Variants in COL4A6 observed in about 807,000 individuals in gnomAD.
COL4A6 encodes collagen type IV alpha 6 chain, also known as collagen alpha-6(IV) chain.
A neutral mutation model predicts 126.7 loss-of-function variants in COL4A6; 59 were observed. The observed-to-expected ratio is 0.47, with a 90% CI of 0.38 to 0.58. COL4A6 has a LOEUF of 0.58. Among genes scored for constraint, COL4A6 ranks in the 20% least tolerant of loss-of-function variants. The pLI is 0.00. For synonymous variants in COL4A6, 547 were observed against 496.6 expected (o/e 1.10, Z -1.35); for missense variants, 1,285 against 1,337.3 (o/e 0.96, Z 0.61).
intron 4 of COL4A6, 82 bp from the exon 5 acceptor site, chrX:108,219,824 G>T: frequency 1.2e-6 from 1 of 824,968 alleles, no homozygotes; most frequent in Non-Finnish European, 1.8e-6. Context: ...GAGAGTCAAT[G>T]GCCTACATTT....
At chrX:108,172,253 G>A (rs113292559) in intron 32 of COL4A6, among the ~76,000 whole-genome samples, 1 of 108,425 alleles carries the variant, frequency 9.2e-6, no homozygotes, top group African/African-American at 3.4e-5. Context: ...AGGAAGCTGA[G>A]GCAGGAGAAT....
chrX:108,206,601 C>G (rs2046966508), intron 8 of COL4A6, 21 bp from the exon 9 acceptor site: 2 of 1,194,828 alleles, frequency 1.7e-6, no homozygotes, highest in African/African-American at 3.5e-5. Context: ...AAGTTTTTAC[C>G]AAGTTCAAAA....
At chrX:108,207,866 T>TC (rs1332968749) in intron 8 of COL4A6, among the ~76,000 whole-genome samples, 3 of 110,695 alleles carry the variant, frequency 2.7e-5, no homozygotes, top group Non-Finnish European at 3.8e-5. Flanking sequence ...CCATGAGAGG[T>TC]CCTGAATCCA....
chrX:108,358,985 G>GGATCTGCA (rs1408748252), intron 2 of COL4A6, among the ~76,000 whole-genome samples: 6 of 111,193 alleles, frequency 5.4e-5, no homozygotes, highest in Non-Finnish European at 7.5e-5. Flanking sequence ...CCTAGGGACC[G>GGATCTGCA]GATCTGCACT....
intron 23 of COL4A6, 56 bp downstream of exon 23, chrX:108,187,040 C>G: frequency 1.0e-5 from 10 of 998,266 alleles, no homozygotes; most frequent in Non-Finnish European, 1.2e-5. Context: ...TGAGTCATAA[C>G]CACTCTACAA....
At chrX:108,346,876 A>T (rs1455729145) in intron 2 of COL4A6, among the ~76,000 whole-genome samples, 1 of 112,075 alleles carries the variant, frequency 8.9e-6, no homozygotes, top group Non-Finnish European at 1.9e-5. Context: ...ATGGTGGGTC[A>T]GGTCAAGATA....
chrX:108,198,238 A>G (rs2035282112), intron 13 of COL4A6, among the ~76,000 whole-genome samples: 1 of 111,608 alleles, frequency 9.0e-6, no homozygotes, highest in African/African-American at 3.3e-5. Context: ...GTTGAACTGA[A>G]TGGAATAATG....
intron 37 of COL4A6, among the ~76,000 whole-genome samples, chrX:108,168,693 AG>A (rs1335699068): frequency 6.2e-5 from 7 of 112,140 alleles, no homozygotes; most frequent in Non-Finnish European, 1.3e-4. Flanking sequence ...AGGAAAACTA[AG>A]GGCTCATTTG....
chrX:108,157,056 C>T lies in COL4A6; in HGVS notation c.5017G>A (p.Ala1673Thr), dbSNP rs2033762294. Residue 1673 changes from alanine (A) to threonine (T), a missense_variant, in exon 45 of 45, where the codon GCT becomes ACT. Physicochemically the swap from Ala to Thr is moderately conservative, Grantham distance 58 (BLOSUM62 0). Transcript: ENST00000334504. The stretch of plus-strand genomic sequence containing the variant: ...CTGACTCGAGTGTGGAGCTGCCCAG[C>T]TTTCAGCGTTTCAGACACAGGCAAC... ...GELPVSETLK[A>T]GQLHTRVSRC... 1 of 1,211,925 alleles carries T rather than the reference C, an allele frequency of 8.3e-7. No individual in the cohort carries two copies. Among genetic ancestry groups the T allele is most frequent in the African/African-American group, 1.7e-5 (1 of 57,818 alleles).
At chrX:108,302,737 C>T (rs780138405) in intron 3 of COL4A6, among the ~76,000 whole-genome samples, 2 of 111,021 alleles carry the variant, frequency 1.8e-5, no homozygotes, top group Non-Finnish European at 3.8e-5. Context: ...CTCAGGATAC[C>T]TTACAGAGTA....
At chrX:108,351,476 GTA>G (rs1377159998) in intron 2 of COL4A6, among the ~76,000 whole-genome samples, 1 of 109,157 alleles carries the variant, frequency 9.2e-6, no homozygotes, top group Non-Finnish European at 1.9e-5. Flanking sequence ...GTGTGTGTGT[GTA>G]TGTGTGTATG....
chrX:108,438,448 A>C, upstream of COL4A6: 2 of 999,028 alleles, frequency 2.0e-6, no homozygotes, highest in Non-Finnish European at 2.5e-6. Context: ...GAGAGGAAAG[A>C]ATGGAGGGGA....
At chrX:108,185,521 C>T (rs926430626) in intron 23 of COL4A6, among the ~76,000 whole-genome samples, 4 of 111,710 alleles carry the variant, frequency 3.6e-5, no homozygotes, top group African/African-American at 1.3e-4. Flanking sequence ...CTTATTACAC[C>T]GATTCACAAA....
rs1444162321 is a variant in COL4A6 at position 108,161,674 on chromosome X, A to G, written c.4278T>C (p.Pro1426=). ...GCAGACCAGGATCACCAAGAGCCCC[A>G]GGTGGGCCTGGGAGCCCACTGGGGC... ...KDGPSGLPGP[P]GALGDPGLPG... Residue 1426 remains proline, a synonymous_variant, in exon 42 of 45, where the codon CCT becomes CCC. Coordinates refer to ENST00000334504, the MANE Select transcript of COL4A6 (RefSeq NM_033641.4). 1.7e-6 allele frequency: 2 copies of G among 1,179,211 alleles called. No homozygotes were observed. Among genetic ancestry groups the G allele is most frequent in the Admixed American group, 2.3e-5 (1 of 42,889 alleles).
Position 108,170,026 on chromosome X carries a change from G to C in COL4A6, c.3494-10C>G. The C allele has an allele frequency of 1.7e-6, 2 of 1,174,746 alleles. No individual in the cohort carries two copies. Among genetic ancestry groups the C allele is most frequent in the Non-Finnish European group, 2.3e-6 (2 of 873,341 alleles). On this transcript the variant is annotated splice_polypyrimidine_tract_variant and intron_variant, in intron 35 of 44. Coordinates refer to ENST00000334504, the MANE Select transcript of COL4A6 (RefSeq NM_033641.4). ...GGAAATCCAGGGAAGCCTGAGGGGA[G>C]AGAATGTCAAAAATGGCTCCAGCAA... is the stretch of plus-strand genomic sequence containing the variant.
chrX:108,320,692 G>A (rs1569424194), intron 2 of COL4A6, among the ~76,000 whole-genome samples: 1 of 111,938 alleles, frequency 8.9e-6, no homozygotes, highest in East Asian at 2.8e-4. Context: ...GACAGTCCTT[G>A]GAATATAATA....
At chrX:108,338,495 C>T (rs975438317) in intron 2 of COL4A6, among the ~76,000 whole-genome samples, 12 of 112,126 alleles carry the variant, frequency 1.1e-4, no homozygotes, top group African/African-American at 3.9e-4. Flanking sequence ...GAATCCAAAC[C>T]TCTGTTAGTA....
At chrX:108,320,731 G>T (rs1027307425) in intron 2 of COL4A6, among the ~76,000 whole-genome samples, 1 of 112,095 alleles carries the variant, frequency 8.9e-6, no homozygotes, top group Non-Finnish European at 1.9e-5. Context: ...ACAGTAAATG[G>T]TTGTTGAAAT....
rs768033298 is a variant in COL4A6 at position 108,252,644 on chromosome X, A to T, written c.145-31270T>A. Among the ~76,000 whole-genome samples, 3 of 111,084 alleles carry T rather than the reference A, an allele frequency of 2.7e-5. No homozygotes were observed. The South Asian group carries it at 1.1e-3, about 42-fold the overall frequency. On this transcript the variant is annotated intron_variant, in intron 3 of 44. Transcript: ENST00000334504. ...TAGTTAATGGAAGGAATTCTTCCAA[A>T]CTGTTCCTACAAGGCCAGCATTACC...
Sources: gnomAD v4.1 joint callset for allele counts (sites outside exome capture counted in the v4.1 genomes callset) on GRCh38, gnomAD v4.1.1 for gene constraint, MANE v1.5 for transcripts, NCBI Gene and HGNC (gene_info 2026-07-23, HGNC 2026-07-21) for gene names.